The following PDE4D variants were observed in gnomAD, a reference collection of about 807,000 sequenced individuals.
PDE4D encodes phosphodiesterase 4D, also known as 3',5'-cyclic-AMP phosphodiesterase 4D.
In PDE4D, 24 loss-of-function variants were observed where a neutral mutation model predicts 87.4. The ratio of observed to expected loss-of-function variants is 0.27; its 90% CI spans 0.20 to 0.39. The LOEUF (loss-of-function observed/expected upper bound fraction) is 0.39, where lower values mean the gene tolerates loss of function less well. PDE4D is among the 10% of genes least tolerant of loss of function. The pLI is 1.00. For missense variants in PDE4D, 714 were observed against 1,041.0 expected, an observed-to-expected ratio of 0.69 and a Z score of 4.32; for synonymous variants, 384 against 383.2, an observed-to-expected ratio of 1.00 and a Z score of -0.02.
At chr5:60,042,122 G>T (rs1768587319) in intron 2 of PDE4D, among the ~76,000 whole-genome samples, 1 of 152,116 alleles carries the variant, frequency 6.6e-6, no homozygotes, top group African/African-American at 2.4e-5. Context: ...TTGGTGAGGG[G>T]AGGGGTGTCT....
At chr5:59,896,533 G>C (rs886120598), upstream of PDE4D, among the ~76,000 whole-genome samples, 1 of 152,172 alleles carries the variant, frequency 6.6e-6, no homozygotes, top group African/African-American at 2.4e-5. Flanking sequence ...TGCTGCTTCA[G>C]TGTAAAGTTT....
chr5:59,234,943 C>T (rs1256703591), intron 1 of PDE4D, among the ~76,000 whole-genome samples: 2 of 151,966 alleles, frequency 1.3e-5, no homozygotes, highest in Non-Finnish European at 2.9e-5. Context: ...TTGCTTTTTC[C>T]ATGTCTTTAA....
intron 1 of PDE4D, among the ~76,000 whole-genome samples, chr5:59,647,908 C>T (rs1742744656): frequency 1.3e-5 from 2 of 151,956 alleles, no homozygotes; most frequent in Non-Finnish European, 1.5e-5. Flanking sequence ...TGAGGTAGAA[C>T]TAAATCAGTG....
chr5:60,385,225 G>T (rs75022546), intron 1 of PDE4D, among the ~76,000 whole-genome samples: 4 of 152,224 alleles, frequency 2.6e-5, no homozygotes, highest in Admixed American at 6.5e-5. Flanking sequence ...AAATGTAGGA[G>T]GGTATGGAAG....
At chr5:59,275,739 C>T in intron 1 of PDE4D, 1 of 1,024,074 alleles carries the variant, frequency 9.8e-7, no homozygotes, top group Non-Finnish European at 1.2e-6. Context: ...GTGAAAGAGT[C>T]ACTTGATCTC....
chr5:60,390,129 C>G lies in PDE4D; in HGVS notation c.-90+97813G>C, dbSNP rs142267891. 3.7e-3 allele frequency among the ~76,000 whole-genome samples: 568 copies of G among 152,322 alleles called. 4 individuals carry two copies. Among genetic ancestry groups the G allele is most frequent in the African/African-American group, 0.013 (539 of 41,576 alleles). On this transcript the variant is annotated intron_variant, in intron 1 of 16. Coordinates refer to the PDE4D transcript ENST00000502484. ...CCCTTCTACCTACATCTCTCTACTTCTTAGCTCTGGGTGTCCAACCCATGC... is the reference window on the plus strand; with the variant it reads ...CCCTTCTACCTACATCTCTCTACTTGTTAGCTCTGGGTGTCCAACCCATGC...
chr5:59,269,053 A>G (rs1182313067), intron 1 of PDE4D, among the ~76,000 whole-genome samples: 3 of 152,068 alleles, frequency 2.0e-5, no homozygotes, highest in Admixed American at 1.3e-4. Context: ...CTAAAAGGCA[A>G]GTTTTAATGA....
chr5:59,912,939 G>T (rs1026264720), intron 3 of PDE4D, among the ~76,000 whole-genome samples: 3 of 152,178 alleles, frequency 2.0e-5, no homozygotes, highest in African/African-American at 4.8e-5. Context: ...TAGATTGGGT[G>T]CCAGAGAAGA....
At chr5:60,461,063 G>A (rs776572340) in intron 1 of PDE4D, among the ~76,000 whole-genome samples, 1 of 151,938 alleles carries the variant, frequency 6.6e-6, no homozygotes, top group Non-Finnish European at 1.5e-5. Flanking sequence ...ATAATAGTTA[G>A]TTCTTTAACA....
At chr5:60,240,221 C>T (rs1049026037) in intron 1 of PDE4D, among the ~76,000 whole-genome samples, 5 of 151,970 alleles carry the variant, frequency 3.3e-5, no homozygotes, top group African/African-American at 1.2e-4. Context: ...ATATTTACTC[C>T]TTTGGGAGCA....
intron 1 of PDE4D, among the ~76,000 whole-genome samples, chr5:59,816,711 G>T (rs909510440): frequency 1.3e-5 from 2 of 152,086 alleles, no homozygotes; most frequent in African/African-American, 4.8e-5. Context: ...ACTCAGAAAG[G>T]TAGGGACAAC....
intron 1 of PDE4D, among the ~76,000 whole-genome samples, chr5:59,572,806 T>A (rs953958364): frequency 6.6e-6 from 1 of 152,088 alleles, no homozygotes; most frequent in Non-Finnish European, 1.5e-5. Context: ...AAACTAACAA[T>A]AGTATTTACA....
intron 1 of PDE4D, among the ~76,000 whole-genome samples, chr5:59,779,647 T>G (rs1268155115): frequency 6.6e-6 from 1 of 152,208 alleles, no homozygotes; most frequent in Non-Finnish European, 1.5e-5. Context: ...ATCAGCAATT[T>G]ATTTTTTCAC....
intron 1 of PDE4D, among the ~76,000 whole-genome samples, chr5:59,561,177 C>T (rs1023149309): frequency 4.6e-5 from 7 of 152,164 alleles, no homozygotes; most frequent in African/African-American, 1.4e-4. Context: ...TTTCTTCTGT[C>T]ATGGTGAAGG....
intron 1 of PDE4D, among the ~76,000 whole-genome samples, chr5:59,724,843 T>C (rs1409589609): frequency 6.6e-6 from 1 of 152,178 alleles, no homozygotes; most frequent in East Asian, 1.9e-4. Context: ...ATTTTTGTTT[T>C]TGCTGAAGCC....
chr5:60,239,581 T>C (rs1480988403), intron 1 of PDE4D, among the ~76,000 whole-genome samples: 1 of 152,166 alleles, frequency 6.6e-6, no homozygotes, highest in East Asian at 1.9e-4. Context: ...AGTATATCTT[T>C]CTATTTATCA....
intron 1 of PDE4D, among the ~76,000 whole-genome samples, chr5:59,544,528 T>C (rs555058326): frequency 6.6e-6 from 1 of 152,314 alleles, no homozygotes; most frequent in South Asian, 2.1e-4. Flanking sequence ...GAAACAGTCT[T>C]TGCCGTCTAT....
chr5:59,728,024 A>G (rs1756854644), intron 1 of PDE4D, among the ~76,000 whole-genome samples: 1 of 152,120 alleles, frequency 6.6e-6, no homozygotes, highest in Non-Finnish European at 1.5e-5. Flanking sequence ...TGACCTAATA[A>G]TAATAGCATC....
intron 1 of PDE4D, among the ~76,000 whole-genome samples, chr5:60,208,596 A>C (rs1316022447): frequency 1.3e-5 from 2 of 152,228 alleles, no homozygotes; most frequent in African/African-American, 2.4e-5. Context: ...CCAACCTGGC[A>C]GCACCAGGTA....
Sources: gnomAD v4.1 joint callset for allele counts (sites outside exome capture counted in the v4.1 genomes callset) on GRCh38, gnomAD v4.1.1 for gene constraint, MANE v1.5 for transcripts, NCBI Gene and HGNC (gene_info 2026-07-23, HGNC 2026-07-21) for gene names.